The following CCDC47 variants were observed in gnomAD, a reference collection of about 807,000 sequenced individuals.
CCDC47 encodes the protein coiled-coil domain containing 47, also known as PAT complex subunit CCDC47.
A neutral mutation model predicts 60.5 loss-of-function variants in CCDC47; 41 were observed. The ratio of observed to expected loss-of-function variants is 0.68; its 90% confidence interval spans 0.53 to 0.88. CCDC47 has a LOEUF of 0.88. Ranked by LOEUF, CCDC47 falls within the 40% of genes least tolerant of loss-of-function variation. The pLI is 0.00. For synonymous variants in CCDC47, 195 were observed against 190.7 expected (o/e 1.02, Z -0.18); for missense variants, 513 against 580.9 (o/e 0.88, Z 1.20).
chr17:63,764,564 A>AT (rs1007349698), intron 3 of CCDC47, among the ~76,000 whole-genome samples, 176 bp downstream of exon 3: 239 of 145,654 alleles, frequency 1.6e-3, no homozygotes, highest in South Asian at 7.8e-3. Context: ...GTAGGTGTTG[A>AT]TTTTTTTTTT....
chr17:63,753,624 T>C (rs913746555), intron 9 of CCDC47: 4 of 982,072 alleles, frequency 4.1e-6, no homozygotes, highest in Non-Finnish European at 4.8e-6. Context: ...AAGTCCTGAA[T>C]ATGTACTCCT....
intron 4 of CCDC47, chr17:63,762,333 A>C: frequency 1.4e-6 from 1 of 736,818 alleles, no homozygotes; most frequent in Non-Finnish European, 1.7e-6. Context: ...ACTCTGAAAT[A>C]CTATGGTATA....
At chr17:63,757,118 T>G (rs1449403954) in intron 6 of CCDC47, among the ~76,000 whole-genome samples, 1 of 145,860 alleles carries the variant, frequency 6.9e-6, no homozygotes, top group Non-Finnish European at 1.5e-5. Context: ...CCTAGCACTT[T>G]AGGAGGCAAA....
intron 2 of CCDC47, among the ~76,000 whole-genome samples, chr17:63,765,270 C>T (rs2039289429): frequency 6.6e-6 from 1 of 151,954 alleles, no homozygotes; most frequent in African/African-American, 2.4e-5. Context: ...TCAGTTACAC[C>T]TCAATAAAGC....
chr17:63,761,895 G>T, intron 4 of CCDC47: 1 of 779,342 alleles, frequency 1.3e-6, no homozygotes, highest in Non-Finnish European at 1.6e-6. Context: ...GCACATGCTT[G>T]TCAGTTTAAC....
intron 4 of CCDC47, chr17:63,762,342 T>G: frequency 3.1e-6 from 2 of 650,792 alleles, no homozygotes; most frequent in Non-Finnish European, 3.8e-6. Context: ...TACTATGGTA[T>G]AGTGGAGACG....
At chr17:63,759,474 G>A (rs1232502903) in intron 6 of CCDC47, among the ~76,000 whole-genome samples, 10 of 101,906 alleles carry the variant, frequency 9.8e-5, no homozygotes, top group Non-Finnish European at 5.8e-5. Flanking sequence ...GGGTGATAGA[G>A]TGAGATTCTG....
chr17:63,771,037 G>GAAAGA (rs1568253168), intron 1 of CCDC47, among the ~76,000 whole-genome samples: 44 of 54,716 alleles, frequency 8.0e-4, no homozygotes, highest in African/African-American at 2.6e-3. Flanking sequence ...AGGAAGGAAG[G>GAAAGA]AAGGAAGGAA....
At chr17:63,753,473 T>G (rs1233324190) in intron 9 of CCDC47, 1 of 219,270 alleles carries the variant, frequency 4.6e-6, no homozygotes, top group Non-Finnish European at 7.7e-6. Flanking sequence ...AAATCCAGAT[T>G]GGCTTGAATT....
intron 4 of CCDC47, 180 bp from the exon 5 acceptor site, chr17:63,761,531 A>G (rs942336362): frequency 4.3e-6 from 2 of 464,668 alleles, no homozygotes; most frequent in Non-Finnish European, 3.6e-6. Flanking sequence ...AAAAAAAAAA[A>G]AAAAAATTAT....
intron 8 of CCDC47, among the ~76,000 whole-genome samples, chr17:63,754,787 G>A (rs1294055537): frequency 1.3e-5 from 2 of 151,324 alleles, no homozygotes; most frequent in Non-Finnish European, 2.9e-5. Flanking sequence ...AGAGGCTGAG[G>A]CACGAGAAGC....
chr17:63,755,287 A>G, intron 8 of CCDC47: 1 of 985,066 alleles, frequency 1.0e-6, no homozygotes, highest in Non-Finnish European at 1.2e-6. Context: ...CTTTTTAAAA[A>G]TTAAATTTCA....
chr17:63,770,977 G>C (rs1431021336), intron 1 of CCDC47, among the ~76,000 whole-genome samples: 2 of 112,890 alleles, frequency 1.8e-5, no homozygotes, highest in Non-Finnish European at 3.4e-5. Flanking sequence ...GACAGAGCGA[G>C]ACTGTGTCAA....
chr17:63,766,759 A>C (rs1337399811), intron 1 of CCDC47: 1 of 912,166 alleles, frequency 1.1e-6, no homozygotes, highest in Admixed American at 6.2e-5. Context: ...GGGTTTTCTA[A>C]AACTCTGTCC....
intron 1 of CCDC47, among the ~76,000 whole-genome samples, chr17:63,771,909 C>T (rs920002594): frequency 1.3e-5 from 2 of 151,884 alleles, no homozygotes; most frequent in African/African-American, 4.8e-5. Flanking sequence ...TAGTGAAACC[C>T]CACCTCTACT....
chr17:63,751,365 C>CAAAAAAAAAAA lies in CCDC47; in HGVS notation c.1371+564_1371+574dup. On this transcript the variant is annotated intron_variant, in intron 12 of 12. Transcript: ENST00000225726. ...TGGGTGACAGAGTGAGACTCCATCTCAAAAAAAAAAAAAAAAAAAAAAAAA... is the reference window on the plus strand; with the variant it reads ...TGGGTGACAGAGTGAGACTCCATCTCAAAAAAAAAAAAAAAAAAAAAAAAAAAAAAAAAAAA... Among the ~76,000 whole-genome samples the CAAAAAAAAAAA allele has an allele frequency of 5.5e-3, 161 of 29,514 alleles. 36 individuals carry two copies. Among genetic ancestry groups the CAAAAAAAAAAA allele is most frequent in the Admixed American group, 0.011 (15 of 1,370 alleles). The allele number at this position is 29,514 out of a possible 152,430, so 19.4% of individuals were successfully genotyped here.
At chr17:63,763,778 C>T (rs1390475362) in intron 4 of CCDC47, among the ~76,000 whole-genome samples, 5 of 151,454 alleles carry the variant, frequency 3.3e-5, no homozygotes, top group Non-Finnish European at 4.4e-5. Context: ...GAGCCGAGAT[C>T]GCGCCACTGC....
At chr17:63,764,213 T>C in intron 3 of CCDC47, 23 bp from the exon 4 acceptor site, 2 of 1,553,070 alleles carry the variant, frequency 1.3e-6, no homozygotes, top group South Asian at 2.5e-5. Flanking sequence ...AATCATTCCA[T>C]TAAATGTTGG....
At chr17:63,770,263 G>A (rs1009306301) in intron 1 of CCDC47, among the ~76,000 whole-genome samples, 3 of 151,884 alleles carry the variant, frequency 2.0e-5, no homozygotes, top group Non-Finnish European at 2.9e-5. Context: ...ATGAGCCACC[G>A]TGCCCGGACT....
Sources: allele counts gnomAD v4.1 joint callset (sites outside exome capture counted in the v4.1 genomes callset), GRCh38; gene constraint gnomAD v4.1.1; transcripts MANE v1.5; gene names NCBI Gene and HGNC (gene_info 2026-07-23, HGNC 2026-07-21).